Variants in CUL3 observed in about 807,000 individuals in gnomAD.
CUL3 encodes the protein cullin 3.
In CUL3, 19 loss-of-function variants were observed where a neutral mutation model predicts 89.1. The observed-to-expected ratio is 0.21, with a 90% confidence interval of 0.15 to 0.31. CUL3 has a LOEUF of 0.31. CUL3 is among the 10% of genes least tolerant of loss of function. CUL3 has a pLI of 1.00. For synonymous variants in CUL3, 351 were observed against 308.4 expected, an observed-to-expected ratio of 1.14 and a Z score of -1.45; for missense variants, 469 against 942.3, an observed-to-expected ratio of 0.50 and a Z score of 6.58.
chr2:224,544,430 C>T (rs1694228289), intron 2 of CUL3, among the ~76,000 whole-genome samples: 1 of 152,088 alleles, frequency 6.6e-6, no homozygotes, highest in Admixed American at 6.6e-5. Context: ...GCCATAACTT[C>T]TTCAATCACT....
rs185519029 is a variant in CUL3 at position 224,529,566 on chromosome 2, T to C, written c.378+5962A>G. Among the ~76,000 whole-genome samples the C allele has an allele frequency of 2.0e-4, 30 of 151,692 alleles. No homozygotes were observed. The East Asian group carries it at 5.4e-3, about 28-fold the overall frequency. On this transcript the variant is annotated intron_variant, in intron 3 of 15. Transcript: ENST00000264414. ...ATGGCATGAACCCGGGAGGCGGAGC[T>C]TGCAGTGAGCTGAGATCGTGCCACT...
At chr2:224,496,574 G>GGAT (rs1397975791) in intron 12 of CUL3, among the ~76,000 whole-genome samples, 2 of 151,814 alleles carry the variant, frequency 1.3e-5, no homozygotes, top group Non-Finnish European at 2.9e-5. Context: ...GTACACTATG[G>GGAT]GATGATAATA....
At chr2:224,517,564 T>C (rs1456025406) in intron 3 of CUL3, among the ~76,000 whole-genome samples, 2 of 152,102 alleles carry the variant, frequency 1.3e-5, no homozygotes, top group East Asian at 3.9e-4. Flanking sequence ...TCCCAGCTAC[T>C]CGGGAGGCTG....
intron 2 of CUL3, chr2:224,556,207 A>G (rs571870217): frequency 6.6e-6 from 1 of 152,284 alleles, no homozygotes; most frequent in South Asian, 2.1e-4. Flanking sequence ...AAACCATCAC[A>G]TGAAAGTTTC....
intron 1 of CUL3, among the ~76,000 whole-genome samples, chr2:224,574,949 C>T (rs1695266493): frequency 6.6e-6 from 1 of 152,078 alleles, no homozygotes. Context: ...GAAAATTATG[C>T]TCTAAAAAAG....
chr2:224,518,394 T>G (rs1693145121), intron 3 of CUL3, among the ~76,000 whole-genome samples: 1 of 152,240 alleles, frequency 6.6e-6, no homozygotes, highest in Admixed American at 6.5e-5. Flanking sequence ...TTGGGTTGTT[T>G]CCATTTTTTG....
intron 3 of CUL3, among the ~76,000 whole-genome samples, chr2:224,522,210 T>C (rs1260583471): frequency 6.6e-6 from 1 of 151,958 alleles, no homozygotes; most frequent in Non-Finnish European, 1.5e-5. Context: ...TTTCAAATCA[T>C]GAAATAAATA....
chr2:224,553,257 G>A (rs1358034566), intron 2 of CUL3, among the ~76,000 whole-genome samples: 1 of 152,146 alleles, frequency 6.6e-6, no homozygotes, highest in Non-Finnish European at 1.5e-5. Flanking sequence ...AACTAGCAGA[G>A]GCTTCAAAAC....
In CUL3 at chr2:224,482,070, C is replaced by A. The variant is rs772355997; in HGVS notation, c.1851G>T (p.Gln617His). 5 of 1,586,772 alleles carry A rather than the reference C, an allele frequency of 3.2e-6. No homozygotes were observed. Among genetic ancestry groups the A allele is most frequent in the South Asian group, 1.2e-5 (1 of 82,818 alleles). The stretch of plus-strand genomic sequence containing the variant: ...CTCTTTCAGGGATATCTGTCTCTTG[C>A]TGAATTTCCTGAAATTTCATCAGAT... ...NREKYTFEEI[Q>H]QETDIPEREL... Residue 617 changes from glutamine (Q) to histidine (H), a missense_variant, in exon 14 of 16, where the codon CAG becomes CAT. Physicochemically the swap from Gln to His is conservative, Grantham distance 24. Coordinates refer to ENST00000264414, the MANE Select transcript of CUL3 (RefSeq NM_003590.5).
chr2:224,514,152 A>G (rs999399364), intron 4 of CUL3, among the ~76,000 whole-genome samples: 10 of 152,230 alleles, frequency 6.6e-5, no homozygotes, highest in African/African-American at 2.4e-4. Flanking sequence ...CAGCATCACC[A>G]AAATGACACT....
chr2:224,500,470 A>C lies in CUL3; in HGVS notation c.1503T>G (p.Val501=). 1 of 1,613,746 alleles carries C rather than the reference A, an allele frequency of 6.2e-7. No individual in the cohort carries two copies. The highest frequency in any genetic ancestry group is 1.1e-5 in the South Asian group (1 of 91,056). ...LQATGVSLGG[V]DLTVRVLTTG... ...TCGTGAGCACCCGGACTGTAAGATC[A>C]ACACCACCTAAAGATACCTATGTAA... Residue 501 remains valine, a synonymous_variant, in exon 11 of 16, where the codon GTT becomes GTG. Transcript: ENST00000264414.
In CUL3 at chr2:224,522,837, A is replaced by AAAAAAAAAT. The variant is rs1413464469; in HGVS notation, c.379-8066_379-8065insATTTTTTTT. Among the ~76,000 whole-genome samples the AAAAAAAAAT allele has an allele frequency of 1.9e-3, 291 of 152,072 alleles. 6 individuals carry two copies. The highest frequency in any genetic ancestry group is 6.3e-3 in the African/African-American group (262 of 41,420). On this transcript the variant is annotated intron_variant, in intron 3 of 15. Coordinates refer to ENST00000264414, the MANE Select transcript of CUL3 (RefSeq NM_003590.5). ...CGTGAGACACCGTCTCAAAAAAACA[A>AAAAAAAAAT]TCCTTCTCAGGGGTCTGAAAAATTT...
At chr2:224,550,133 C>G (rs1694459257) in intron 2 of CUL3, among the ~76,000 whole-genome samples, 1 of 152,080 alleles carries the variant, frequency 6.6e-6, no homozygotes, top group African/African-American at 2.4e-5. Context: ...GTTGGGTACT[C>G]CTCACCCTAA....
chr2:224,510,062 T>C (rs182200654), intron 6 of CUL3, among the ~76,000 whole-genome samples: 13 of 152,316 alleles, frequency 8.5e-5, no homozygotes, highest in Admixed American at 7.8e-4. Context: ...TAAAGTCTTA[T>C]AGAAACACAG....
chr2:224,584,712 C>T (rs1695534394), intron 1 of CUL3, among the ~76,000 whole-genome samples: 1 of 148,568 alleles, frequency 6.7e-6, no homozygotes. Flanking sequence ...AGCTCCCGGA[C>T]GGGGGCGCGG....
Position 224,470,599 on chromosome 2 carries a change from A to C in CUL3, c.*3646T>G, listed in dbSNP as rs574153874. The C allele has an allele frequency of 4.3e-6, 1 of 231,854 alleles. No homozygotes were observed. Among genetic ancestry groups the C allele is most frequent in the African/African-American group, 2.2e-5 (1 of 45,298 alleles). 14.4% of individuals were successfully genotyped at this position (231,854 alleles called of 1,614,324 possible). A position where few individuals can be genotyped will look rare whatever the true frequency, so the allele number is the denominator to read the frequency against. On this transcript the variant is annotated 3_prime_UTR_variant, in exon 16 of 16. Transcript: ENST00000264414. ...AACTGTAGATTTGAATTTAAGGTAC[A>C]TGCCTATCTGTGGTACCCACTTAAG...
At chr2:224,569,174 CTGAT>C (rs2106319284) in intron 1 of CUL3, among the ~76,000 whole-genome samples, 1 of 152,286 alleles carries the variant, frequency 6.6e-6, no homozygotes, top group South Asian at 2.1e-4. Flanking sequence ...CATTGATAAA[CTGAT>C]TAAGTTGCAA....
At chr2:224,559,617 T>C (rs1694841340) in intron 1 of CUL3, among the ~76,000 whole-genome samples, 1 of 152,130 alleles carries the variant, frequency 6.6e-6, no homozygotes, top group Admixed American at 6.6e-5. Context: ...ATCTTTCCAT[T>C]ATATCTTGAA....
intron 3 of CUL3, among the ~76,000 whole-genome samples, chr2:224,534,125 T>A (rs1221585100): frequency 2.6e-5 from 4 of 152,232 alleles, no homozygotes; most frequent in African/African-American, 9.6e-5. Flanking sequence ...AGTCATTAAC[T>A]TATTAATTTT....
Sources: allele counts gnomAD v4.1 joint callset (sites outside exome capture counted in the v4.1 genomes callset), GRCh38; gene constraint gnomAD v4.1.1; transcripts MANE v1.5; gene names NCBI Gene and HGNC (gene_info 2026-07-23, HGNC 2026-07-21).